WBP1L: variants seen among roughly 807,000 people sequenced by gnomAD.
WBP1L encodes the protein WW domain binding protein 1 like.
In WBP1L, 17 loss-of-function variants were observed where a neutral mutation model predicts 33.7. The observed-to-expected ratio is 0.50, with a 90% CI of 0.34 to 0.76. The LOEUF is 0.76. WBP1L is among the 30% of genes least tolerant of loss of function. The pLI is 0.01. For synonymous variants in WBP1L, 173 were observed against 190.8 expected, an observed-to-expected ratio of 0.91 and a Z score of 0.77; for missense variants, 389 against 469.4, an observed-to-expected ratio of 0.83 and a Z score of 1.58.
chr10:102,776,248 G>C, intron 1 of WBP1L: 1 of 1,579,376 alleles, frequency 6.3e-7, no homozygotes, highest in Non-Finnish European at 8.6e-7. Context: ...CCAGGACTCT[G>C]TTTACTTTGT....
chr10:102,763,376 A>G (rs1346741096), intron 1 of WBP1L, among the ~76,000 whole-genome samples: 2 of 152,114 alleles, frequency 1.3e-5, no homozygotes, highest in Non-Finnish European at 2.9e-5. Context: ...AAGCTTATAC[A>G]TTGTGACTCC....
At chr10:102,755,289 A>G (rs1268714698) in intron 1 of WBP1L, among the ~76,000 whole-genome samples, 1 of 151,912 alleles carries the variant, frequency 6.6e-6, no homozygotes, top group African/African-American at 2.4e-5. Flanking sequence ...TATGTTGCCC[A>G]GGTTGGAGTA....
At position 102,813,077 on chromosome 10, in the gene WBP1L, C is replaced by A; in HGVS notation, c.838C>A (p.Arg280=). ...DSGIEVCVCN[R]GHHDDDLKEF... ...GGGCATTGAAGTGTGTGTGTGCAAC[C>A]GGGGCCACCATGACGATGACCTCAA... Residue 280 remains arginine (R), a synonymous_variant, in exon 4 of 4, where the codon CGG becomes AGG. Coordinates refer to ENST00000448841, the MANE Select transcript of WBP1L (RefSeq NM_001083913.2). 6.2e-7 allele frequency: 1 copy of A among 1,613,834 alleles called. No homozygotes were observed. Among genetic ancestry groups the A allele is most frequent in the South Asian group, 1.1e-5 (1 of 91,080 alleles).
chr10:102,767,966 C>G (rs543318169), intron 1 of WBP1L, among the ~76,000 whole-genome samples: 1 of 152,280 alleles, frequency 6.6e-6, no homozygotes, highest in South Asian at 2.1e-4. Context: ...ATGCCCCATG[C>G]GTCCTTGTTT....
chr10:102,808,724 A>T (rs1281120956), intron 2 of WBP1L, among the ~76,000 whole-genome samples: 1 of 152,224 alleles, frequency 6.6e-6, no homozygotes, highest in Non-Finnish European at 1.5e-5. Context: ...AACTTTAGTG[A>T]TTCTTGTATT....
In WBP1L at chr10:102,814,956, A is replaced by G. The variant is rs1256477831; in HGVS notation, c.*1625A>G. ...AAACGAGTGTCTGCATTTAGATTCCACAAAACCAAAATCCATGTTGAACAA... is the reference window on the plus strand; with the variant it reads ...AAACGAGTGTCTGCATTTAGATTCCGCAAAACCAAAATCCATGTTGAACAA... On this transcript the variant is annotated 3_prime_UTR_variant, in exon 4 of 4. Coordinates refer to ENST00000448841, the MANE Select transcript of WBP1L (RefSeq NM_001083913.2). The G allele has an allele frequency of 6.6e-6, 1 of 152,594 alleles. No homozygotes were observed. Among genetic ancestry groups the G allele is most frequent in the Non-Finnish European group, 1.5e-5 (1 of 68,032 alleles). 9.5% of individuals were successfully genotyped at this position (152,594 alleles called of 1,614,324 possible).
chr10:102,747,419 C>T (rs1209547252), intron 1 of WBP1L, among the ~76,000 whole-genome samples: 6 of 151,868 alleles, frequency 4.0e-5, no homozygotes, highest in South Asian at 2.1e-4. Flanking sequence ...AGTAAGGCTC[C>T]GACAGCCTTG....
At chr10:102,803,280 A>T (rs1181131278) in intron 2 of WBP1L, among the ~76,000 whole-genome samples, 1 of 152,218 alleles carries the variant, frequency 6.6e-6, no homozygotes, top group Non-Finnish European at 1.5e-5. Flanking sequence ...ACCGTCCTGC[A>T]GGATGGGAGG....
intron 1 of WBP1L, among the ~76,000 whole-genome samples, chr10:102,794,148 A>G (rs1036102034): frequency 3.3e-5 from 5 of 151,962 alleles, no homozygotes; most frequent in African/African-American, 9.7e-5. Context: ...GTGTGCAACA[A>G]TTAGGCTCCT....
intron 2 of WBP1L, among the ~76,000 whole-genome samples, chr10:102,798,351 T>C (rs957925062): frequency 7.2e-5 from 11 of 152,202 alleles, no homozygotes. Flanking sequence ...GAGGTTCTCC[T>C]GGCTGCCCTC....
At chr10:102,809,836 G>T (rs1843802642) in intron 2 of WBP1L, 57 bp from the exon 3 acceptor site, 3 of 1,546,064 alleles carry the variant, frequency 1.9e-6, no homozygotes, top group African/African-American at 1.4e-5. Flanking sequence ...TCCGCAAGCT[G>T]CCCCTCTGGC....
intron 1 of WBP1L, among the ~76,000 whole-genome samples, chr10:102,748,299 G>A (rs1055018566): frequency 1.3e-5 from 2 of 151,910 alleles, no homozygotes; most frequent in African/African-American, 2.4e-5. Flanking sequence ...CTTTGAGCTG[G>A]ATGGGGGCCT....
rs267602346 is a variant in WBP1L, at chr10:102,813,321, C to T, written c.1082C>T (p.Ser361Phe). 3.1e-6 allele frequency: 5 copies of T among 1,607,166 alleles called. No homozygotes were observed. The highest frequency in any genetic ancestry group is 1.7e-5 in the Admixed American group (1 of 59,776). Residue 361 changes from serine to phenylalanine, a missense_variant, in exon 4 of 4, where the codon TCC (serine) becomes TTC (phenylalanine). Transcript: ENST00000448841. ...QDSPNSQSSSSPS is the reference protein window; with the variant it reads ...QDSPNSQSSSFPS ...TCTCCCAACTCCCAGAGCAGCAGCT[C>T]CCCCAGCTAGAGCAGGTCCTGCCAG... is the stretch of plus-strand genomic sequence containing the variant.
intron 1 of WBP1L, among the ~76,000 whole-genome samples, chr10:102,767,058 A>C (rs1843120898): frequency 6.6e-6 from 1 of 152,156 alleles, no homozygotes; most frequent in Non-Finnish European, 1.5e-5. Context: ...GGGTAGGAAA[A>C]ACACGAACCT....
At chr10:102,764,477 T>G (rs1843083967) in intron 1 of WBP1L, among the ~76,000 whole-genome samples, 1 of 152,214 alleles carries the variant, frequency 6.6e-6, no homozygotes, top group Non-Finnish European at 1.5e-5. Flanking sequence ...GCTGTCATCC[T>G]GTGTCACCTC....
In WBP1L at chr10:102,813,139, G is replaced by T. The variant is rs1192818102; in HGVS notation, c.900G>T (p.Gly300=). The part of the protein sequence containing the change: ...FNTLIDDALD[G]PLDFCDSCHV... ...CACTCATCGATGATGCTCTGGATGGGCCCCTGGACTTCTGCGACAGCTGCC... is the reference window on the plus strand; with the variant it reads ...CACTCATCGATGATGCTCTGGATGGTCCCCTGGACTTCTGCGACAGCTGCC... Residue 300 remains glycine, a synonymous_variant, in exon 4 of 4, where the codon GGG becomes GGT. Transcript: ENST00000448841. 1.9e-6 allele frequency: 3 copies of T among 1,614,052 alleles called. No homozygotes were observed. Among genetic ancestry groups the T allele is most frequent in the Non-Finnish European group, 2.5e-6 (3 of 1,180,032 alleles).
intron 1 of WBP1L, among the ~76,000 whole-genome samples, chr10:102,789,100 C>T (rs918533435): frequency 1.3e-5 from 2 of 152,158 alleles, no homozygotes; most frequent in Non-Finnish European, 2.9e-5. Flanking sequence ...GCTGGGACTA[C>T]AGGTGCGCAC....
intron 2 of WBP1L, 65 bp downstream of exon 2, chr10:102,798,160 A>C: frequency 7.1e-7 from 1 of 1,416,386 alleles, no homozygotes; most frequent in Non-Finnish European, 1.0e-6. Flanking sequence ...GCTTAGTGGG[A>C]AACTCTGGGC....
At chr10:102,776,531 A>G (rs1843266307) in intron 1 of WBP1L, 1 of 1,383,712 alleles carries the variant, frequency 7.2e-7, no homozygotes, top group East Asian at 2.3e-5. Flanking sequence ...CAGTTAGACC[A>G]GGCCAGCTCC....
Sources: allele counts gnomAD v4.1 joint callset (sites outside exome capture counted in the v4.1 genomes callset), GRCh38; gene constraint gnomAD v4.1.1; transcripts MANE v1.5; gene names NCBI Gene and HGNC (gene_info 2026-07-23, HGNC 2026-07-21).